The following LNX1 variants were observed in gnomAD, a reference collection of about 807,000 sequenced individuals.
LNX1 encodes ligand of numb-protein X 1, also known as E3 ubiquitin-protein ligase LNX.
Under a neutral mutation model 68.4 loss-of-function variants are expected in LNX1, and 54 were observed. The ratio of observed to expected loss-of-function variants is 0.79; its 90% confidence interval spans 0.63 to 0.99. The LOEUF is 0.99. LNX1 is among the 50% of genes least tolerant of loss of function. The pLI, the probability that LNX1 is intolerant of heterozygous loss-of-function variation, is 0.00. For missense variants in LNX1, 906 were observed against 926.4 expected, an observed-to-expected ratio of 0.98 and a Z score of 0.29; for synonymous variants, 336 against 350.0, an observed-to-expected ratio of 0.96 and a Z score of 0.45.
At chr4:53,472,394 G>A (rs1316396117) in intron 9 of LNX1, among the ~76,000 whole-genome samples, 1 of 151,950 alleles carries the variant, frequency 6.6e-6, no homozygotes, top group Non-Finnish European at 1.5e-5. Flanking sequence ...GCTAAATGAC[G>A]AGTTAATGGG....
At chr4:53,604,784 G>A (rs1291103333) in intron 2 of LNX1, among the ~76,000 whole-genome samples, 1 of 152,196 alleles carries the variant, frequency 6.6e-6, no homozygotes, top group African/African-American at 2.4e-5. Context: ...CTTGTGTTTG[G>A]ATTGGAGCTG....
At chr4:53,650,557 T>C (rs1735058121) in intron 1 of LNX1, among the ~76,000 whole-genome samples, 1 of 152,190 alleles carries the variant, frequency 6.6e-6, no homozygotes, top group Non-Finnish European at 1.5e-5. Flanking sequence ...GAATTTATGG[T>C]TTTCTATACA....
intron 2 of LNX1, among the ~76,000 whole-genome samples, chr4:53,566,588 A>G (rs1165843710): frequency 2.0e-5 from 3 of 151,810 alleles, no homozygotes; most frequent in Non-Finnish European, 4.4e-5. Context: ...AAACTGCATC[A>G]ACTAACGAGC....
intron 2 of LNX1, among the ~76,000 whole-genome samples, chr4:53,510,708 T>C (rs2109530367): frequency 6.6e-6 from 1 of 152,342 alleles, no homozygotes; most frequent in East Asian, 1.9e-4. Flanking sequence ...TGGTAGTATC[T>C]GATTAGCAGT....
chr4:53,574,732 C>A (rs1414795391), intron 1 of LNX1, among the ~76,000 whole-genome samples: 2 of 152,216 alleles, frequency 1.3e-5, no homozygotes, highest in Non-Finnish European at 2.9e-5. Flanking sequence ...TCTGTTTTCA[C>A]ATCTGTAAAA....
At chr4:53,650,137 G>A (rs552413019) in intron 1 of LNX1, among the ~76,000 whole-genome samples, 14 of 152,184 alleles carry the variant, frequency 9.2e-5, no homozygotes, top group Middle Eastern at 3.2e-3. Context: ...CTGAGGACAC[G>A]TGCCCTGCCT....
intron 2 of LNX1, 87 bp from the exon 3 acceptor site, chr4:53,508,314 T>G: frequency 2.7e-6 from 4 of 1,488,398 alleles, no homozygotes; most frequent in Non-Finnish European, 3.6e-6. Context: ...AATTGAAGAA[T>G]GTATAATAGG....
At chr4:53,618,959 G>A (rs868185592), upstream of LNX1, among the ~76,000 whole-genome samples, 8 of 151,620 alleles carry the variant, frequency 5.3e-5, no homozygotes, top group South Asian at 1.0e-3. Context: ...GCTATGTTAC[G>A]CAGGGTGGTC....
At chr4:53,532,744 T>C (rs1422293015) in intron 2 of LNX1, among the ~76,000 whole-genome samples, 2 of 152,174 alleles carry the variant, frequency 1.3e-5, no homozygotes, top group Non-Finnish European at 2.9e-5. Context: ...AACAAAGATA[T>C]CAGACCATAC....
rs2109884401 is a variant in LNX1 at position 53,640,943 on chromosome 4, T to C, written c.-215+11225A>G. Reference sequence around the variant, plus strand: ...CTCGTCGGCAGTCCTTCCGGGGCCTTCCTCAATCCCTGGCCGGGGCTGAGG... The same window carrying C: ...CTCGTCGGCAGTCCTTCCGGGGCCTCCCTCAATCCCTGGCCGGGGCTGAGG... On this transcript the variant is annotated intron_variant, in intron 1 of 2. Transcript: ENST00000507168. Among the ~76,000 whole-genome samples, 3 of 152,330 alleles carry C rather than the reference T, an allele frequency of 2.0e-5. No individual in the cohort carries two copies. In the South Asian group the frequency reaches 6.2e-4, roughly 32 times the overall value.
Position 53,573,665 on chromosome 4 carries a change from T to G in LNX1, c.338A>C (p.Gln113Pro). The change falls in exon 2 of 11, where the codon CAG becomes CCG. Residue 113 changes from glutamine (Q) to proline (P), a missense_variant. Coordinates refer to ENST00000263925, the MANE Select transcript of LNX1 (RefSeq NM_001126328.3). ...CTCGAGGTCACAGCGCTGCAACACC[T>G]GGGTGCAGTGCTCCCTGAATGGGCA... Reference protein sequence around the residue: ...VTCPFREHCTQVLQRCDLEHH... With the variant: ...VTCPFREHCTPVLQRCDLEHH... 2 of 1,607,550 alleles carry G rather than the reference T, an allele frequency of 1.2e-6. No individual in the cohort carries two copies. The highest frequency in any genetic ancestry group is 1.1e-5 in the South Asian group (1 of 89,494).
intron 6 of LNX1, among the ~76,000 whole-genome samples, chr4:53,484,478 G>C (rs1173036803): frequency 6.6e-6 from 1 of 151,998 alleles, no homozygotes; most frequent in East Asian, 1.9e-4. Context: ...GAGGAGAATT[G>C]CTTGAACCCA....
chr4:53,621,783 G>T (rs1397663473), upstream of LNX1, among the ~76,000 whole-genome samples: 1 of 152,170 alleles, frequency 6.6e-6, no homozygotes, highest in African/African-American at 2.4e-5. Context: ...AATGATAGAG[G>T]CAGGGACATG....
At chr4:53,624,112 T>A (rs1733987749) in intron 1 of LNX1, among the ~76,000 whole-genome samples, 1 of 152,208 alleles carries the variant, frequency 6.6e-6, no homozygotes, top group Admixed American at 6.5e-5. Context: ...CCTCCTTACT[T>A]GTTTCCTCTA....
chr4:53,543,939 A>G (rs78973935), intron 2 of LNX1, among the ~76,000 whole-genome samples: 1 of 152,334 alleles, frequency 6.6e-6, no homozygotes, highest in East Asian at 1.9e-4. Flanking sequence ...ACACCACCAC[A>G]GTAAACAAAC....
At chr4:53,525,294 C>T (rs1727532095) in intron 2 of LNX1, among the ~76,000 whole-genome samples, 1 of 152,180 alleles carries the variant, frequency 6.6e-6, no homozygotes, top group Admixed American at 6.5e-5. Flanking sequence ...CCAGCCTGGC[C>T]AACAAGGTGA....
At chr4:53,583,809 G>A (rs186983580) in intron 1 of LNX1, among the ~76,000 whole-genome samples, 64 of 152,240 alleles carry the variant, frequency 4.2e-4, no homozygotes, top group Middle Eastern at 3.4e-3. Context: ...TTCTCTTGAC[G>A]AGATTTTACC....
Position 53,496,117 on chromosome 4 carries a change from C to T in LNX1, c.1256G>A (p.Arg419Gln), listed in dbSNP as rs766762059. The change falls in exon 6 of 11, where the codon CGA becomes CAA. Residue 419 changes from arginine (R) to glutamine (Q), a missense_variant. Arg to Gln is a conservative substitution (Grantham distance 43). Transcript: ENST00000263925. The stretch of plus-strand genomic sequence containing the variant: ...GTCATTCTCCTCAAGCTGACCATGT[C>T]GATATGCCACACCGCCATCCAGCAC... ...FNVLDGGVAYRHGQLEENDRV... is the reference protein window; with the variant it reads ...FNVLDGGVAYQHGQLEENDRV... 1.1e-5 allele frequency: 18 copies of T among 1,614,034 alleles called. No homozygotes were observed. In the Admixed American group the frequency reaches 1.5e-4, roughly 13 times the overall value.
intron 1 of LNX1, among the ~76,000 whole-genome samples, chr4:53,588,911 G>A (rs903842292): frequency 2.0e-5 from 3 of 152,116 alleles, no homozygotes; most frequent in African/African-American, 7.2e-5. Flanking sequence ...TCACCCAAGG[G>A]CACAGGGTAT....
Sources: allele counts gnomAD v4.1 joint callset (sites outside exome capture counted in the v4.1 genomes callset), GRCh38; gene constraint gnomAD v4.1.1; transcripts MANE v1.5; gene names NCBI Gene and HGNC (gene_info 2026-07-23, HGNC 2026-07-21).